Variants in TLL1 observed in about 807,000 individuals in gnomAD.
The protein encoded by TLL1 is tolloid like 1, also known as tolloid-like protein 1.
A neutral mutation model predicts 128.2 loss-of-function variants in TLL1; 49 were observed. The ratio of observed to expected loss-of-function variants is 0.38; its 90% CI spans 0.30 to 0.48. The LOEUF is 0.48. TLL1 is among the 20% of genes least tolerant of loss of function. TLL1 has a pLI of 0.96. For missense variants in TLL1, 1,123 were observed against 1,242.0 expected, an observed-to-expected ratio of 0.90 and a Z score of 1.44; for synonymous variants, 454 against 418.8, an observed-to-expected ratio of 1.08 and a Z score of -1.03.
chr4:166,027,358 G>A (rs970028343), intron 9 of TLL1, among the ~76,000 whole-genome samples: 1 of 152,102 alleles, frequency 6.6e-6, no homozygotes, highest in Non-Finnish European at 1.5e-5. Flanking sequence ...TGGTGGGAAT[G>A]CAATTGCAAT....
At chr4:165,884,109 T>G (rs1008723579) in intron 1 of TLL1, among the ~76,000 whole-genome samples, 1 of 152,184 alleles carries the variant, frequency 6.6e-6, no homozygotes, top group African/African-American at 2.4e-5. Flanking sequence ...TTTTTGAACA[T>G]TCTTATGAAG....
At chr4:166,100,606 A>G in intron 20 of TLL1, 136 bp from the exon 21 acceptor site, 1 of 1,163,196 alleles carries the variant, frequency 8.6e-7, no homozygotes, top group Non-Finnish European at 1.3e-6. Context: ...GAAGTTGATT[A>G]CACCTACTCT....
chr4:166,075,198 G>A (rs765648198), intron 17 of TLL1, among the ~76,000 whole-genome samples, 195 bp downstream of exon 17: 6 of 152,178 alleles, frequency 3.9e-5, no homozygotes, highest in Non-Finnish European at 7.3e-5. Context: ...CACATAGATG[G>A]CATTAGAGTA....
intron 1 of TLL1, among the ~76,000 whole-genome samples, chr4:165,923,423 T>G (rs1262600619): frequency 1.0e-5 from 1 of 96,358 alleles, no homozygotes; most frequent in Non-Finnish European, 2.0e-5. Flanking sequence ...AGGTATACCT[T>G]TTTTTTTTTT....
intron 1 of TLL1, among the ~76,000 whole-genome samples, chr4:165,881,288 A>G (rs762188922): frequency 6.6e-6 from 1 of 152,156 alleles, no homozygotes; most frequent in African/African-American, 2.4e-5. Flanking sequence ...ACATCATAAC[A>G]TAGTTTACAT....
At chr4:165,962,485 G>A (rs1240447290) in intron 1 of TLL1, among the ~76,000 whole-genome samples, 4 of 152,164 alleles carry the variant, frequency 2.6e-5, no homozygotes, top group Non-Finnish European at 4.4e-5. Flanking sequence ...GAATGTATTA[G>A]TTCAGCCACT....
intron 1 of TLL1, among the ~76,000 whole-genome samples, chr4:165,901,323 T>C (rs1731975577): frequency 6.6e-6 from 1 of 152,036 alleles, no homozygotes; most frequent in Non-Finnish European, 1.5e-5. Context: ...GAAGAGACGT[T>C]CTTGTTTTGG....
At chr4:165,889,984 C>T (rs777341792) in intron 1 of TLL1, among the ~76,000 whole-genome samples, 5 of 152,108 alleles carry the variant, frequency 3.3e-5, no homozygotes, top group Non-Finnish European at 7.3e-5. Flanking sequence ...AATTGACTCA[C>T]AGTTCATTCA....
intron 20 of TLL1, among the ~76,000 whole-genome samples, chr4:166,099,915 A>G (rs1480522730): frequency 1.3e-5 from 2 of 152,112 alleles, no homozygotes; most frequent in Non-Finnish European, 2.9e-5. Flanking sequence ...TATGCACACC[A>G]TTCTAATTCA....
At chr4:166,069,598 T>G (rs1444093167) in intron 16 of TLL1, among the ~76,000 whole-genome samples, 1 of 151,742 alleles carries the variant, frequency 6.6e-6, no homozygotes, top group African/African-American at 2.4e-5. Flanking sequence ...AACATATCAT[T>G]GTCTAATAAA....
chr4:166,019,080 T>C (rs1738088189), intron 8 of TLL1, among the ~76,000 whole-genome samples: 1 of 152,196 alleles, frequency 6.6e-6, no homozygotes, highest in South Asian at 2.1e-4. Flanking sequence ...GTGGGTTGGA[T>C]TTTTAAAATG....
At chr4:166,025,494 C>A in intron 9 of TLL1, 63 bp downstream of exon 9, 1 of 1,296,812 alleles carries the variant, frequency 7.7e-7, no homozygotes, top group Non-Finnish European at 1.1e-6. Flanking sequence ...CATCATCCTT[C>A]AAATATAAAT....
intron 1 of TLL1, among the ~76,000 whole-genome samples, chr4:165,978,233 G>C (rs1460843784): frequency 2.0e-5 from 3 of 151,980 alleles, no homozygotes; most frequent in Non-Finnish European, 4.4e-5. Flanking sequence ...TTGGGTGCCA[G>C]TGGTTTTTAT....
In TLL1 at chr4:166,076,539, G is replaced by A. The variant is rs17633642; in HGVS notation, c.2315-1364G>A. On this transcript the variant is annotated intron_variant, in intron 17 of 20. Coordinates refer to ENST00000061240, the MANE Select transcript of TLL1 (RefSeq NM_012464.5). ...ATAATAGATAAAACAACATCCAGAC[G>A]CACTTTCATAAACTTGTCCTATTGC... Among the ~76,000 whole-genome samples, 429 of 152,192 alleles carry A rather than the reference G, an allele frequency of 2.8e-3. 6 individuals carry two copies. The East Asian group carries it at 0.067, about 24-fold the overall frequency.
At chr4:165,913,077 G>A (rs1296287139) in intron 1 of TLL1, among the ~76,000 whole-genome samples, 1 of 151,782 alleles carries the variant, frequency 6.6e-6, no homozygotes, top group African/African-American at 2.4e-5. Flanking sequence ...AAGAGATTTC[G>A]GCCAATTTCC....
At chr4:165,978,019 C>G (rs995255014) in intron 1 of TLL1, among the ~76,000 whole-genome samples, 4 of 152,146 alleles carry the variant, frequency 2.6e-5, no homozygotes, top group African/African-American at 9.7e-5. Context: ...CAATTATTCT[C>G]TTTATTGATA....
intron 16 of TLL1, among the ~76,000 whole-genome samples, chr4:166,067,076 T>G (rs1740606863): frequency 6.6e-6 from 1 of 151,746 alleles, no homozygotes; most frequent in Non-Finnish European, 1.5e-5. Flanking sequence ...AAGTTACTAG[T>G]GAGTACTGTG....
intron 1 of TLL1, among the ~76,000 whole-genome samples, chr4:165,978,383 C>G (rs1453786066): frequency 6.6e-6 from 1 of 151,792 alleles, no homozygotes; most frequent in African/African-American, 2.4e-5. Flanking sequence ...GGGTCCAAAG[C>G]TTTTAATTAA....
chr4:166,014,223 T>A (rs994594832), intron 7 of TLL1, among the ~76,000 whole-genome samples: 2 of 151,924 alleles, frequency 1.3e-5, no homozygotes, highest in African/African-American at 4.8e-5. Flanking sequence ...CAAATGAATG[T>A]CATCATTGAG....
Sources: gnomAD v4.1 joint callset for allele counts (sites outside exome capture counted in the v4.1 genomes callset) on GRCh38, gnomAD v4.1.1 for gene constraint, MANE v1.5 for transcripts, NCBI Gene and HGNC (gene_info 2026-07-23, HGNC 2026-07-21) for gene names.